Variants in AGBL4 observed in about 807,000 individuals in gnomAD.
AGBL4 encodes AGBL carboxypeptidase 4.
A neutral mutation model predicts 66.4 loss-of-function variants in AGBL4; 58 were observed. The ratio of observed to expected loss-of-function variants is 0.87; its 90% confidence interval spans 0.71 to 1.09. The LOEUF (loss-of-function observed/expected upper bound fraction) is 1.09, where lower values mean the gene tolerates loss of function less well. Ranked by LOEUF, AGBL4 falls within the 50% of genes least tolerant of loss-of-function variation. The pLI is 0.00. For synonymous variants in AGBL4, 234 were observed against 222.9 expected, an observed-to-expected ratio of 1.05 and a Z score of -0.44; for missense variants, 579 against 631.0, an observed-to-expected ratio of 0.92 and a Z score of 0.88.
chr1:49,604,769 G>C (rs1241848233), intron 3 of AGBL4, among the ~76,000 whole-genome samples: 1 of 151,904 alleles, frequency 6.6e-6, no homozygotes, highest in Non-Finnish European at 1.5e-5. Flanking sequence ...ATTTCCCTCT[G>C]TTTACTTTTA....
intron 4 of AGBL4, among the ~76,000 whole-genome samples, chr1:49,157,613 G>T (rs1326433136): frequency 6.6e-6 from 1 of 152,014 alleles, no homozygotes; most frequent in Non-Finnish European, 1.5e-5. Flanking sequence ...GGGATTCCTG[G>T]GTCAAATGGT....
At chr1:49,721,911 C>T (rs183768318) in intron 2 of AGBL4, among the ~76,000 whole-genome samples, 5 of 152,118 alleles carry the variant, frequency 3.3e-5, no homozygotes, top group Non-Finnish European at 7.4e-5. Context: ...TTCCCCTCAT[C>T]AAAGAACAAT....
intron 3 of AGBL4, among the ~76,000 whole-genome samples, chr1:49,529,744 G>A (rs748877243): frequency 1.3e-5 from 2 of 151,998 alleles, no homozygotes; most frequent in African/African-American, 2.4e-5. Context: ...TTAGTTTGAG[G>A]TGTATGTGAA....
At chr1:49,808,981 T>C (rs1571613229) in intron 2 of AGBL4, among the ~76,000 whole-genome samples, 1 of 152,060 alleles carries the variant, frequency 6.6e-6, no homozygotes, top group East Asian at 1.9e-4. Context: ...AAATACTAAA[T>C]CAAAATTAAC....
chr1:48,704,421 T>A (rs933351698), intron 6 of AGBL4, among the ~76,000 whole-genome samples: 2 of 152,210 alleles, frequency 1.3e-5, no homozygotes, highest in Non-Finnish European at 2.9e-5. Flanking sequence ...ATGACTTTTT[T>A]ACTTTATAAA....
intron 2 of AGBL4, among the ~76,000 whole-genome samples, chr1:49,721,281 C>T (rs747051661): frequency 5.9e-5 from 9 of 152,166 alleles, no homozygotes; most frequent in Admixed American, 4.6e-4. Context: ...GGGTCCCCTT[C>T]GACACTGTGG....
chr1:49,440,764 G>GAAAGA (rs1646010108), intron 3 of AGBL4, among the ~76,000 whole-genome samples: 1 of 152,146 alleles, frequency 6.6e-6, no homozygotes, highest in Non-Finnish European at 1.5e-5. Flanking sequence ...AAAGGTGCAC[G>GAAAGA]TACAGCCTCG....
chr1:48,661,072 C>T (rs1489415647), intron 7 of AGBL4, among the ~76,000 whole-genome samples: 1 of 152,094 alleles, frequency 6.6e-6, no homozygotes, highest in Non-Finnish European at 1.5e-5. Flanking sequence ...TGGAAAATGA[C>T]AGTTGGAGAC....
At chr1:48,754,183 A>C in intron 6 of AGBL4, among the ~76,000 whole-genome samples, 1 of 152,206 alleles carries the variant, frequency 6.6e-6, no homozygotes, top group Non-Finnish European at 1.5e-5. Context: ...TTCTAAGAAC[A>C]GGGAATCTAG....
At chr1:49,279,561 C>A (rs1273128303) in intron 3 of AGBL4, among the ~76,000 whole-genome samples, 1 of 151,808 alleles carries the variant, frequency 6.6e-6, no homozygotes, top group Non-Finnish European at 1.5e-5. Flanking sequence ...AAAAAGAAGA[C>A]CCGTCTTTTT....
At chr1:49,737,379 C>A (rs1571440003) in intron 2 of AGBL4, among the ~76,000 whole-genome samples, 1 of 152,190 alleles carries the variant, frequency 6.6e-6, no homozygotes, top group East Asian at 1.9e-4. Context: ...ATGTCCTTTG[C>A]AGCAACATGG....
chr1:48,638,085 G>T (rs1379022894), intron 8 of AGBL4, among the ~76,000 whole-genome samples: 1 of 152,224 alleles, frequency 6.6e-6, no homozygotes, highest in Non-Finnish European at 1.5e-5. Flanking sequence ...ACTGTCTTGG[G>T]CATGTCACCA....
intron 3 of AGBL4, among the ~76,000 whole-genome samples, chr1:49,442,670 G>T (rs111701658): frequency 6.6e-6 from 1 of 152,148 alleles, no homozygotes; most frequent in African/African-American, 2.4e-5. Flanking sequence ...AGACGCTTAC[G>T]TTGATTCCAT....
At chr1:49,132,832 A>G (rs570972393) in intron 4 of AGBL4, among the ~76,000 whole-genome samples, 1 of 152,278 alleles carries the variant, frequency 6.6e-6, no homozygotes, top group Admixed American at 6.5e-5. Flanking sequence ...ACAGTGTGGC[A>G]ATTCCTCAAA....
intron 5 of AGBL4, among the ~76,000 whole-genome samples, chr1:48,876,171 C>T (rs1649200398): frequency 1.3e-5 from 2 of 152,186 alleles, no homozygotes; most frequent in African/African-American, 4.8e-5. Context: ...ATTCTAAGCT[C>T]CATGGCAAAA....
chr1:49,023,289 T>G (rs1663386140), intron 5 of AGBL4, among the ~76,000 whole-genome samples: 1 of 152,132 alleles, frequency 6.6e-6, no homozygotes, highest in African/African-American at 2.4e-5. Flanking sequence ...AAGGTTCAGG[T>G]CTGGGCCAGC....
At chr1:49,512,866 T>C (rs1040904462) in intron 3 of AGBL4, among the ~76,000 whole-genome samples, 1 of 151,842 alleles carries the variant, frequency 6.6e-6, no homozygotes, top group African/African-American at 2.4e-5. Flanking sequence ...AAAAAAAAAG[T>C]AGAATAAAAC....
chr1:49,417,749 G>A (rs1387259249), intron 3 of AGBL4, among the ~76,000 whole-genome samples: 5 of 152,078 alleles, frequency 3.3e-5, no homozygotes. Context: ...TGCTTTTTAT[G>A]AGTCTTCATA....
chr1:49,777,678 C>T (rs914258386), intron 2 of AGBL4, among the ~76,000 whole-genome samples: 11 of 152,072 alleles, frequency 7.2e-5, no homozygotes, highest in African/African-American at 2.4e-4. Flanking sequence ...CTTGCACTAG[C>T]TATTGGGTCA....
Sources: allele counts gnomAD v4.1 joint callset (sites outside exome capture counted in the v4.1 genomes callset), GRCh38; gene constraint gnomAD v4.1.1; transcripts MANE v1.5; gene names NCBI Gene and HGNC (gene_info 2026-07-23, HGNC 2026-07-21).